The following COG4 variants were observed in gnomAD, a reference collection of about 807,000 sequenced individuals.
COG4 encodes the protein component of oligomeric golgi complex 4.
COG4 carries 65 observed loss-of-function variants against 95.1 expected under a neutral mutation model. The ratio of observed to expected loss-of-function variants is 0.68; its 90% CI spans 0.56 to 0.84. COG4 has a LOEUF of 0.84. Ranked by LOEUF, COG4 falls within the 40% of genes least tolerant of loss-of-function variation. The pLI is 0.00. For synonymous variants in COG4, 421 were observed against 374.8 expected (o/e 1.12, Z -1.42); for missense variants, 1,045 against 989.1 (o/e 1.06, Z -0.76).
Position 70,519,479 on chromosome 16 carries a change from G to C in COG4, c.254+170C>G, listed in dbSNP as rs7204583. Among the ~76,000 whole-genome samples, 86,355 of 151,796 alleles carry C rather than the reference G, an allele frequency of 0.57. 27,832 individuals are homozygous for C. Among genetic ancestry groups the C allele is most frequent in the African/African-American group, 0.89 (36,808 of 41,456 alleles). On this transcript the variant is annotated intron_variant, in intron 2 of 18. Transcript: ENST00000323786. ...TGCTGGTACAACTGGTCCAAGGACTGTTTGAAAACCATCAAACTAATACCC... is the reference window on the plus strand; with the variant it reads ...TGCTGGTACAACTGGTCCAAGGACTCTTTGAAAACCATCAAACTAATACCC...
intron 8 of COG4, among the ~76,000 whole-genome samples, chr16:70,505,197 CTT>C (rs767606425): frequency 1.1e-4 from 14 of 122,626 alleles, no homozygotes; most frequent in Non-Finnish European, 1.2e-4. Context: ...TTTGGATTTT[CTT>C]TTTTTTTTTT....
intron 12 of COG4, among the ~76,000 whole-genome samples, chr16:70,492,755 G>C (rs2049270247): frequency 6.6e-6 from 1 of 151,748 alleles, no homozygotes; most frequent in South Asian, 2.1e-4. Flanking sequence ...CTGAGGTCAG[G>C]AGTTCGAGAC....
intron 16 of COG4, 91 bp from the exon 17 acceptor site, chr16:70,481,956 C>T (rs892121982): frequency 1.5e-6 from 2 of 1,376,088 alleles, no homozygotes; most frequent in Non-Finnish European, 2.1e-6. Flanking sequence ...TAGCGTGAGG[C>T]CACGGGGGAG....
intron 8 of COG4, among the ~76,000 whole-genome samples, chr16:70,505,395 G>C (rs2151755116): frequency 6.7e-6 from 1 of 149,968 alleles, no homozygotes; most frequent in Admixed American, 6.6e-5. Flanking sequence ...GTAGAGACAG[G>C]GTTTCACCGT....
chr16:70,495,949 G>A (rs1366238083), intron 12 of COG4, among the ~76,000 whole-genome samples: 1 of 152,238 alleles, frequency 6.6e-6, no homozygotes, highest in African/African-American at 2.4e-5. Context: ...TGGTAGAGCT[G>A]GTTCTGTGGC....
intron 8 of COG4, among the ~76,000 whole-genome samples, chr16:70,507,257 A>T (rs1308973601): frequency 6.6e-6 from 1 of 151,118 alleles, no homozygotes; most frequent in Non-Finnish European, 1.5e-5. Flanking sequence ...AAGCAAAAAA[A>T]CCCCAAAACA....
At chr16:70,517,487 C>G (rs2049845725) in intron 3 of COG4, 139 bp downstream of exon 3, 2 of 636,008 alleles carry the variant, frequency 3.1e-6, no homozygotes, top group Admixed American at 5.5e-5. Flanking sequence ...CCTCAGGAGG[C>G]TGAGGTGGGA....
At chr16:70,492,436 A>C (rs758493346) in intron 12 of COG4, among the ~76,000 whole-genome samples, 18 of 152,106 alleles carry the variant, frequency 1.2e-4, no homozygotes, top group Non-Finnish European at 1.8e-4. Flanking sequence ...ATGCGGGCAG[A>C]TCACCTGAGG....
Position 70,523,385 on chromosome 16 carries a change from G to C in COG4, c.159C>G (p.Leu53=), listed in dbSNP as rs753679808. Residue 53 remains leucine, a synonymous_variant, in exon 1 of 19, where the codon CTC becomes CTG. Coordinates refer to ENST00000323786, the MANE Select transcript of COG4 (RefSeq NM_015386.3). ...LQELEAVYER[L]CGEEKVVERE... ...CTCGACCCCGCACCTCCTCGCCGCAGAGCCGTTCGTATACAGCCTCCAGCT... is the reference window on the plus strand; with the variant it reads ...CTCGACCCCGCACCTCCTCGCCGCACAGCCGTTCGTATACAGCCTCCAGCT... 14 of 1,614,146 alleles carry C rather than the reference G, an allele frequency of 8.7e-6. No individual in the cohort carries two copies. The South Asian group carries it at 1.3e-4, about 15-fold the overall frequency.
At chr16:70,491,945 A>T (rs2049253947) in intron 12 of COG4, among the ~76,000 whole-genome samples, 1 of 152,210 alleles carries the variant, frequency 6.6e-6, no homozygotes, top group South Asian at 2.1e-4. Context: ...GAGAGAAAGC[A>T]ATTAACAAAA....
rs1359780046 is a variant in COG4, at chr16:70,480,832, C to T, written c.*178G>A. On this transcript the variant is annotated 3_prime_UTR_variant, in exon 19 of 19. Coordinates refer to ENST00000323786, the MANE Select transcript of COG4 (RefSeq NM_015386.3). ...ATGCTGCCCCCAGAGCATCACCTGG[C>T]CAGGTCTGAGGGCAGAGCATGGAGT... 2 of 697,448 alleles carry T rather than the reference C, an allele frequency of 2.9e-6. No individual in the cohort carries two copies. Among genetic ancestry groups the T allele is most frequent in the South Asian group, 1.8e-5 (1 of 56,080 alleles). 43.2% of individuals were successfully genotyped at this position (697,448 alleles called of 1,614,324 possible). A position where few individuals can be genotyped will look rare whatever the true frequency, so the allele number is the denominator to read the frequency against.
rs1418348922 is a variant in COG4, at chr16:70,515,963, C to G, written c.370-1454G>C. 9 of 455,670 alleles carry G rather than the reference C, an allele frequency of 2.0e-5. No homozygotes were observed. The East Asian group carries it at 2.8e-4, about 14-fold the overall frequency. 28.2% of individuals were successfully genotyped at this position (455,670 alleles called of 1,614,324 possible). On this transcript the variant is annotated intron_variant, in intron 3 of 18. Coordinates refer to ENST00000323786, the MANE Select transcript of COG4 (RefSeq NM_015386.3). The stretch of plus-strand genomic sequence containing the variant: ...GGATTGCAGGCATGAGCCACCACAC[C>G]TGGCCAGCTGTGGTTTTTCACAGAT...
In COG4 at chr16:70,481,495, A is replaced by G; in HGVS notation, c.2107-8T>C. 6.2e-7 allele frequency: 1 copy of G among 1,611,212 alleles called. No individual in the cohort carries two copies. Among genetic ancestry groups the G allele is most frequent in the Non-Finnish European group, 8.5e-7 (1 of 1,179,990 alleles). ...AAACTGCAGACCACCCAGCTGCAGG[A>G]GAACCCAAGCCCAGTCACTACTTAG... On this transcript the variant is annotated splice_polypyrimidine_tract_variant and splice_region_variant and intron_variant, in intron 17 of 18. Coordinates refer to ENST00000323786, the MANE Select transcript of COG4 (RefSeq NM_015386.3).
intron 3 of COG4, among the ~76,000 whole-genome samples, chr16:70,515,716 A>C (rs1254168950): frequency 6.8e-6 from 1 of 146,126 alleles, no homozygotes; most frequent in African/African-American, 2.8e-5. Flanking sequence ...ATAAATAAAT[A>C]AAACATGCTT....
intron 3 of COG4, among the ~76,000 whole-genome samples, chr16:70,515,025 T>TTTC (rs1567395415): frequency 6.9e-6 from 1 of 145,906 alleles, no homozygotes; most frequent in African/African-American, 2.6e-5. Context: ...TTTTTTTTTT[T>TTTC]TTCTTCTTGA....
chr16:70,521,999 CTT>C (rs772349524), intron 1 of COG4, among the ~76,000 whole-genome samples: 4 of 138,094 alleles, frequency 2.9e-5, no homozygotes, highest in Non-Finnish European at 3.2e-5. Flanking sequence ...CCGCGCCAGG[CTT>C]TTTTTTTTTT....
chr16:70,519,770 G>A, intron 1 of COG4, 39 bp from the exon 2 acceptor site: 2 of 1,462,210 alleles, frequency 1.4e-6, no homozygotes, highest in African/African-American at 1.4e-5. Context: ...AGAATGATCA[G>A]AAGGAACCTT....
Position 70,523,428 on chromosome 16 carries a change from G to C in COG4, c.116C>G (p.Ser39Cys), listed in dbSNP as rs536230223. 1.6e-5 allele frequency: 26 copies of C among 1,614,056 alleles called. 2 individuals carry two copies. The South Asian group carries it at 2.9e-4, about 18-fold the overall frequency. Residue 39 changes from serine (S) to cysteine (C), a missense_variant, in exon 1 of 19, where the codon TCC (serine) becomes TGC (cysteine). By Grantham distance (112) the Ser-to-Cys change is moderately radical. Coordinates refer to ENST00000323786, the MANE Select transcript of COG4 (RefSeq NM_015386.3). ...CSEISAELIR[S>C]LTELQELEAV... Reference sequence around the variant, plus strand: ...CTCCAGCTCCTGCAGCTCTGTCAGGGAGCGAATGAGCTCAGCGGAGATTTC... The same window carrying C: ...CTCCAGCTCCTGCAGCTCTGTCAGGCAGCGAATGAGCTCAGCGGAGATTTC...
At chr16:70,499,951 C>A (rs1032320312) in intron 9 of COG4, among the ~76,000 whole-genome samples, 1 of 151,910 alleles carries the variant, frequency 6.6e-6, no homozygotes, top group South Asian at 2.1e-4. Context: ...TGAGCCACCG[C>A]GCCCGACCTA....
Sources: gnomAD v4.1 joint callset for allele counts (sites outside exome capture counted in the v4.1 genomes callset) on GRCh38, gnomAD v4.1.1 for gene constraint, MANE v1.5 for transcripts, NCBI Gene and HGNC (gene_info 2026-07-23, HGNC 2026-07-21) for gene names.